The following IFIT3 variants were observed in gnomAD, a reference collection of about 807,000 sequenced individuals.
The protein encoded by IFIT3 is interferon-induced protein with tetratricopeptide repeats 3.
IFIT3 carries 2 observed loss-of-function variants against 2.4 expected under a neutral mutation model. The ratio of observed to expected loss-of-function variants is 0.82; its 90% confidence interval spans 0.34 to 2.60. The LOEUF (loss-of-function observed/expected upper bound fraction) is 2.60. IFIT3 is among the 30% of genes most tolerant of loss of function. IFIT3 has a pLI of 0.11. For synonymous variants in IFIT3, 203 were observed against 212.1 expected, an observed-to-expected ratio of 0.96 and a Z score of 0.37; for missense variants, 481 against 562.4, an observed-to-expected ratio of 0.86 and a Z score of 1.46.
intron 1 of IFIT3, among the ~76,000 whole-genome samples, chr10:89,332,023 G>T (rs928320030): frequency 6.6e-6 from 1 of 152,114 alleles, no homozygotes; most frequent in African/African-American, 2.4e-5. Context: ...ATGAGGTCAG[G>T]AGTTCGAGAA....
At chr10:89,332,099 T>C (rs1843658802) in intron 1 of IFIT3, among the ~76,000 whole-genome samples, 1 of 152,038 alleles carries the variant, frequency 6.6e-6, no homozygotes, top group Admixed American at 6.5e-5. Flanking sequence ...GGCATGGTGG[T>C]GCACGTCTGT....
chr10:89,328,028 G>T lies in IFIT3; in HGVS notation c.-46G>T. On this transcript the variant is annotated 5_prime_UTR_variant, in exon 1 of 2. Transcript: ENST00000371818. ...AGGAAGACTTCTGAAGAACAAATCA[G>T]CCTGGTCACCAGCTTTTCGGAACAG... 6.2e-7 allele frequency: 1 copy of T among 1,612,618 alleles called. No homozygotes were observed. The highest frequency in any genetic ancestry group is 1.1e-5 in the South Asian group (1 of 91,064).
chr10:89,333,517 A>AG (rs1843682858), intron 1 of IFIT3, among the ~76,000 whole-genome samples: 1 of 151,128 alleles, frequency 6.6e-6, no homozygotes, highest in African/African-American at 2.4e-5. Context: ...AGGAGGGGGG[A>AG]GGGGTGGGAA....
At position 89,340,162 on chromosome 10, in the gene IFIT3, C is replaced by T; in HGVS notation, c.*34C>T. 3.2e-6 allele frequency: 5 copies of T among 1,539,222 alleles called. No homozygotes were observed. The highest frequency in any genetic ancestry group is 4.4e-6 in the Non-Finnish European group (5 of 1,145,064). On this transcript the variant is annotated 3_prime_UTR_variant, in exon 2 of 2. Coordinates refer to ENST00000371818, the MANE Select transcript of IFIT3 (RefSeq NM_001549.6). ...AGGAAAACAGAGCATCAGAAGCCTG[C>T]AGTGGTGGTTGTGACGGGTAGGACG...
chr10:89,334,222 A>G (rs186071736), intron 1 of IFIT3, among the ~76,000 whole-genome samples: 1 of 152,250 alleles, frequency 6.6e-6, no homozygotes, highest in East Asian at 1.9e-4. Flanking sequence ...GGTGGTCATG[A>G]TCTGGGTTAG....
At position 89,339,135 on chromosome 10, in the gene IFIT3, G is replaced by A; in HGVS notation, c.480G>A (p.Glu160=). The A allele has an allele frequency of 6.2e-7, 1 of 1,614,100 alleles. No homozygotes were observed. ...GRNERAKVCF[E]KALEEKPNNP... ...ATGAAAGGGCGAAGGTGTGTTTTGAGAAGGCTCTGGAAGAAAAGCCCAACA... is the reference window on the plus strand; with the variant it reads ...ATGAAAGGGCGAAGGTGTGTTTTGAAAAGGCTCTGGAAGAAAAGCCCAACA... Residue 160 remains glutamate, a synonymous_variant, in exon 2 of 2, where the codon GAG becomes GAA. Coordinates refer to ENST00000371818, the MANE Select transcript of IFIT3 (RefSeq NM_001549.6).
At chr10:89,332,642 C>T (rs1843667262) in intron 1 of IFIT3, 3 of 1,612,946 alleles carry the variant, frequency 1.9e-6, no homozygotes, top group African/African-American at 2.7e-5. Flanking sequence ...ATAGTCCCTG[C>T]TTCTCTGATA....
chr10:89,340,671 G>A lies in IFIT3; in HGVS notation c.*543G>A, dbSNP rs1388086241. The A allele has an allele frequency of 6.6e-6, 1 of 151,888 alleles. No individual in the cohort carries two copies. The highest frequency in any genetic ancestry group is 1.5e-5 in the Non-Finnish European group (1 of 68,054). The allele number at this position is 151,888 out of a possible 1,614,324, so 9.4% of individuals were successfully genotyped here. A position where few individuals can be genotyped will look rare whatever the true frequency, so the allele number is the denominator to read the frequency against. On this transcript the variant is annotated 3_prime_UTR_variant, in exon 2 of 2. Transcript: ENST00000371818. ...TCACTGGTAGCAATAAATGCTTCAGGCCCACATGATGCTGATTAGTTCTCA... is the reference window on the plus strand; with the variant it reads ...TCACTGGTAGCAATAAATGCTTCAGACCCACATGATGCTGATTAGTTCTCA...
chr10:89,337,874 T>C (rs556879814), intron 1 of IFIT3, among the ~76,000 whole-genome samples: 1 of 152,344 alleles, frequency 6.6e-6, no homozygotes, highest in South Asian at 2.1e-4. Context: ...CAACTTACAA[T>C]TTTTCCAACC....
At position 89,333,512 on chromosome 10, in the gene IFIT3, G is replaced by C. The variant is rs139371071; in HGVS notation, c.6-5149G>C. ...AGGAGGAAACCCCAAGAGGCAGGAGGGGGGAGGGGTGGGAAGAATGTTGAA... is the reference window on the plus strand; with the variant it reads ...AGGAGGAAACCCCAAGAGGCAGGAGCGGGGAGGGGTGGGAAGAATGTTGAA... On this transcript the variant is annotated intron_variant, in intron 1 of 1. Transcript: ENST00000371818. Among the ~76,000 whole-genome samples the C allele has an allele frequency of 4.6e-3, 702 of 152,200 alleles. 9 individuals carry two copies. The highest frequency in any genetic ancestry group is 0.03 in the South Asian group (143 of 4,814).
At chr10:89,331,551 T>C (rs972558091) in intron 1 of IFIT3, among the ~76,000 whole-genome samples, 1 of 152,116 alleles carries the variant, frequency 6.6e-6, no homozygotes, top group African/African-American at 2.4e-5. Context: ...GGGAATTGCT[T>C]AATATTCTTT....
chr10:89,334,790 C>T (rs1363634452), intron 1 of IFIT3, among the ~76,000 whole-genome samples: 1 of 152,038 alleles, frequency 6.6e-6, no homozygotes, highest in African/African-American at 2.4e-5. Flanking sequence ...CGCGCCCGGC[C>T]ACCTAGCTGT....
At chr10:89,329,440 T>C (rs994738760) in intron 1 of IFIT3, among the ~76,000 whole-genome samples, 7 of 152,280 alleles carry the variant, frequency 4.6e-5, no homozygotes, top group Middle Eastern at 3.4e-3. Context: ...GGTGTGTCTA[T>C]AGCCACTGAC....
In IFIT3 at chr10:89,328,098, A is replaced by G. The variant is rs748673694; in HGVS notation, c.5+20A>G. On this transcript the variant is annotated intron_variant, in intron 1 of 1. Transcript: ENST00000371818. Reference sequence around the variant, plus strand: ...CATGAGGTCAGTGAAATAAGAATGCATAATCATGCTTGTTTTTGAGTGCAA... The same window carrying G: ...CATGAGGTCAGTGAAATAAGAATGCGTAATCATGCTTGTTTTTGAGTGCAA... 3 of 1,612,930 alleles carry G rather than the reference A, an allele frequency of 1.9e-6. No homozygotes were observed. Among genetic ancestry groups the G allele is most frequent in the East Asian group, 2.2e-5 (1 of 44,850 alleles).
rs759407441 is a variant in IFIT3, at chr10:89,338,759, AAGAT to A, written c.108_111del (p.Asp36GlufsTer9). 6.2e-7 allele frequency: 1 copy of A among 1,614,036 alleles called. No homozygotes were observed. The highest frequency in any genetic ancestry group is 1.1e-5 in the South Asian group (1 of 91,074). On this transcript the variant is annotated frameshift_variant, in exon 2 of 2. Coordinates refer to ENST00000371818, the MANE Select transcript of IFIT3 (RefSeq NM_001549.6). LOFTEE classifies it low-confidence loss of function (END_TRUNC). The stretch of plus-strand genomic sequence containing the variant: ...GAAGACAGTGTCTCAAGGGATCTAG[AAGAT>A]AGAGTGTGTAACCAGATTGAATTTT...
rs766944919 is a variant in IFIT3, at chr10:89,339,364, T to G, written c.709T>G (p.Ser237Ala). ...GTTTGTTGAAGAAGCCTTGGAAAAG[T>G]CTCCTTGCCAAACAGATGTCCTCCG... ...EQFVEEALEK[S>A]PCQTDVLRSA... The change falls in exon 2 of 2, where the codon TCT (serine) becomes GCT (alanine). Residue 237 changes from serine to alanine, a missense_variant. Coordinates refer to ENST00000371818, the MANE Select transcript of IFIT3 (RefSeq NM_001549.6). The G allele has an allele frequency of 1.2e-6, 2 of 1,613,710 alleles. No homozygotes were observed. Among genetic ancestry groups the G allele is most frequent in the Non-Finnish European group, 1.7e-6 (2 of 1,179,870 alleles).
intron 1 of IFIT3, chr10:89,338,249 AG>A (rs1179208450): frequency 6.1e-6 from 1 of 164,044 alleles, no homozygotes; most frequent in African/African-American, 2.4e-5. Flanking sequence ...CTGGAGACCA[AG>A]GAAAGTTGAT....
At position 89,339,809 on chromosome 10, in the gene IFIT3, G is replaced by T. The variant is rs542426129; in HGVS notation, c.1154G>T (p.Gly385Val). ...EDTAVQHGLE[G>V]LSISKKSTDK... ...ACTGCTGTGCAACATGGTTTAGAGG[G>T]TTTGTCCATAAGCAAAAAATCAACT... Residue 385 changes from glycine (G) to valine (V), a missense_variant, in exon 2 of 2, where the codon GGT (glycine) becomes GTT (valine). Physicochemically the swap from Gly to Val is moderately radical, Grantham distance 109 (BLOSUM62 -3). Transcript: ENST00000371818. The T allele has an allele frequency of 6.2e-7, 1 of 1,614,174 alleles. No homozygotes were observed. The highest frequency in any genetic ancestry group is 2.2e-5 in the East Asian group (1 of 44,894).
At chr10:89,328,214 G>A (rs2133537866) in intron 1 of IFIT3, 136 bp downstream of exon 1, 1 of 934,480 alleles carries the variant, frequency 1.1e-6, no homozygotes, top group Non-Finnish European at 1.7e-6. Flanking sequence ...CTGAGCATTT[G>A]TAAGATGTTT....
Sources: allele counts gnomAD v4.1 joint callset (sites outside exome capture counted in the v4.1 genomes callset), GRCh38; gene constraint gnomAD v4.1.1; transcripts MANE v1.5; gene names NCBI Gene and HGNC (gene_info 2026-07-23, HGNC 2026-07-21).